Variants in RGS7 observed in about 807,000 individuals in gnomAD.
RGS7 encodes regulator of G-protein signaling 7.
Under a neutral mutation model 81.1 loss-of-function variants are expected in RGS7, and 27 were observed. The ratio of observed to expected loss-of-function variants is 0.33; its 90% CI spans 0.25 to 0.46. RGS7 has a LOEUF of 0.46. Among genes scored for constraint, RGS7 ranks in the 20% least tolerant of loss-of-function variants. The pLI is 1.00. For synonymous variants in RGS7, 208 were observed against 207.7 expected (o/e 1.00, Z -0.01); for missense variants, 396 against 607.4 (o/e 0.65, Z 3.66).
chr1:241,026,317 G>C (rs1464791021), intron 3 of RGS7, among the ~76,000 whole-genome samples: 1 of 152,150 alleles, frequency 6.6e-6, no homozygotes, highest in Non-Finnish European at 1.5e-5. Flanking sequence ...GCCGGGTGCG[G>C]TGACTCCTGC....
chr1:241,137,461 T>C (rs982581585), intron 2 of RGS7, among the ~76,000 whole-genome samples: 18 of 152,236 alleles, frequency 1.2e-4, no homozygotes, highest in Non-Finnish European at 2.6e-4. Flanking sequence ...GGAATATAAA[T>C]ATGTAAGCGC....
At chr1:241,182,042 A>T (rs948512885) in intron 2 of RGS7, among the ~76,000 whole-genome samples, 3 of 152,146 alleles carry the variant, frequency 2.0e-5, no homozygotes, top group Non-Finnish European at 4.4e-5. Context: ...CAGAGTCACA[A>T]CCTATAGCAT....
intron 2 of RGS7, among the ~76,000 whole-genome samples, chr1:241,242,307 T>TAGAC (rs1217376096): frequency 1.9e-3 from 32 of 16,932 alleles, no homozygotes; most frequent in African/African-American, 6.9e-3. Context: ...TATGGATGAG[T>TAGAC]AGATAGATAG....
At chr1:241,106,913 A>T (rs1186866740) in intron 2 of RGS7, among the ~76,000 whole-genome samples, 1 of 150,494 alleles carries the variant, frequency 6.6e-6, no homozygotes, top group African/African-American at 2.4e-5. Context: ...TTTTTTAAAT[A>T]AATCATTTCT....
chr1:240,827,416 A>AAAGAAATACTCC (rs1466043855), intron 9 of RGS7, among the ~76,000 whole-genome samples: 1 of 152,202 alleles, frequency 6.6e-6, no homozygotes, highest in Non-Finnish European at 1.5e-5. Context: ...TCCCAGAGAA[A>AAAGAAATACTCC]CAGGAAAAAG....
At chr1:241,216,068 G>T (rs938111194) in intron 2 of RGS7, among the ~76,000 whole-genome samples, 1 of 151,666 alleles carries the variant, frequency 6.6e-6, no homozygotes, top group African/African-American at 2.4e-5. Flanking sequence ...TTAGGAGATC[G>T]AGACCATCCT....
At chr1:241,351,056 G>A (rs1253896359) in intron 2 of RGS7, among the ~76,000 whole-genome samples, 2 of 152,160 alleles carry the variant, frequency 1.3e-5, no homozygotes, top group East Asian at 1.9e-4. Flanking sequence ...TACTCTTCCT[G>A]GTTGGGTGAT....
chr1:240,998,774 G>C, intron 3 of RGS7: 1 of 705,398 alleles, frequency 1.4e-6, no homozygotes, highest in Non-Finnish European at 2.6e-6. Flanking sequence ...AGATGCAGGC[G>C]AGCTGGGAGA....
intron 18 of RGS7, among the ~76,000 whole-genome samples, chr1:240,799,229 G>C (rs12729526): frequency 0.062 from 9,342 of 151,248 alleles, 344 homozygotes; most frequent in South Asian, 0.084. Context: ...CTAAGCAACA[G>C]TGTCTGAAAG....
intron 2 of RGS7, among the ~76,000 whole-genome samples, chr1:241,206,926 C>T (rs1421626844): frequency 1.3e-5 from 2 of 149,338 alleles, no homozygotes; most frequent in East Asian, 2.0e-4. Context: ...CTCCCTCCCT[C>T]TCTCTCTCCT....
chr1:241,232,192 T>TTCTCTCTCTCTCTC (rs111426330), intron 2 of RGS7, among the ~76,000 whole-genome samples: 2 of 149,008 alleles, frequency 1.3e-5, no homozygotes, highest in African/African-American at 4.9e-5. Flanking sequence ...TATATGTCTA[T>TTCTCTCTCTCTCTC]TCTCTCTCTC....
intron 2 of RGS7, among the ~76,000 whole-genome samples, chr1:241,266,194 CA>C (rs1202899489): frequency 1.3e-5 from 2 of 152,212 alleles, no homozygotes; most frequent in Non-Finnish European, 2.9e-5. Flanking sequence ...TTGTGAGTCA[CA>C]AAAAAATCAG....
At chr1:240,790,469 G>T (rs1403631760) in intron 18 of RGS7, among the ~76,000 whole-genome samples, 2 of 152,102 alleles carry the variant, frequency 1.3e-5, no homozygotes, top group Non-Finnish European at 2.9e-5. Context: ...CCAATGTAGA[G>T]ATTTTAACTA....
rs113029046 is a variant in RGS7 at position 240,979,198 on chromosome 1, A to G, written c.226+3881T>C. On this transcript the variant is annotated intron_variant, in intron 4 of 18. Transcript: ENST00000440928. ...AATAAACTGCTGGGAAAAGTATTGT[A>G]GTTTTCCAATAAGTTAGTTAAGATT... 7.1e-4 allele frequency among the ~76,000 whole-genome samples: 108 copies of G among 152,352 alleles called. 1 individual carries two copies. The highest frequency in any genetic ancestry group is 2.5e-3 in the African/African-American group (106 of 41,590).
At chr1:241,207,116 C>G (rs2073953936) in intron 2 of RGS7, among the ~76,000 whole-genome samples, 2 of 151,266 alleles carry the variant, frequency 1.3e-5, no homozygotes, top group East Asian at 2.0e-4. Context: ...CTACAGGTGC[C>G]CACCACCACG....
At chr1:241,128,940 T>A (rs1269089345) in intron 2 of RGS7, among the ~76,000 whole-genome samples, 1 of 152,120 alleles carries the variant, frequency 6.6e-6, no homozygotes, top group Admixed American at 6.5e-5. Context: ...TAAATACCAG[T>A]TGAACAACTA....
At chr1:241,182,666 T>G (rs1220216678) in intron 2 of RGS7, among the ~76,000 whole-genome samples, 1 of 149,838 alleles carries the variant, frequency 6.7e-6, no homozygotes, top group Non-Finnish European at 1.5e-5. Flanking sequence ...TTTTTTTTTT[T>G]TGAGACAGAG....
chr1:241,127,548 G>A (rs1018247108), intron 2 of RGS7, among the ~76,000 whole-genome samples: 2 of 152,090 alleles, frequency 1.3e-5, no homozygotes, highest in African/African-American at 2.4e-5. Context: ...GTTGTGGCGT[G>A]GGGGGAGCGG....
intron 7 of RGS7, among the ~76,000 whole-genome samples, 186 bp from the exon 8 acceptor site, chr1:240,869,038 G>A (rs1664005321): frequency 6.6e-6 from 1 of 152,052 alleles, no homozygotes; most frequent in African/African-American, 2.4e-5. Flanking sequence ...AGTCTTAAAG[G>A]AAGCAGAAAA....
Sources: gnomAD v4.1 joint callset for allele counts (sites outside exome capture counted in the v4.1 genomes callset) on GRCh38, gnomAD v4.1.1 for gene constraint, MANE v1.5 for transcripts, NCBI Gene and HGNC (gene_info 2026-07-23, HGNC 2026-07-21) for gene names.